TMEM200A: variants seen among roughly 807,000 people sequenced by gnomAD.
TMEM200A encodes the protein transmembrane protein 200A.
In TMEM200A, 12 loss-of-function variants were observed where a neutral mutation model predicts 24.3. The observed-to-expected ratio is 0.49, with a 90% CI of 0.32 to 0.80. The LOEUF (loss-of-function observed/expected upper bound fraction) is 0.80. TMEM200A is among the 30% of genes least tolerant of loss of function. The pLI is 0.04. For synonymous variants in TMEM200A, 224 were observed against 224.4 expected (o/e 1.00, Z 0.02); for missense variants, 545 against 614.4 (o/e 0.89, Z 1.19).
chr6:130,409,228 C>T (rs1779278651), intron 2 of TMEM200A, among the ~76,000 whole-genome samples: 2 of 152,194 alleles, frequency 1.3e-5, no homozygotes. Context: ...ATTCTCTTGA[C>T]ATCTGCTTCC....
At chr6:130,433,541 A>G (rs1319385298) in intron 2 of TMEM200A, among the ~76,000 whole-genome samples, 2 of 152,208 alleles carry the variant, frequency 1.3e-5, no homozygotes, top group Admixed American at 1.3e-4. Context: ...GATATAGATT[A>G]AAAATCCTAT....
At chr6:130,440,339 A>G (rs1275102907) in intron 2 of TMEM200A, 68 bp from the exon 3 acceptor site, 1 of 1,422,148 alleles carries the variant, frequency 7.0e-7, no homozygotes, top group Non-Finnish European at 9.2e-7. Context: ...CAGTTGTTTA[A>G]TTGAACTGAT....
chr6:130,390,554 T>C (rs1778811143), intron 2 of TMEM200A, among the ~76,000 whole-genome samples: 1 of 152,250 alleles, frequency 6.6e-6, no homozygotes, highest in African/African-American at 2.4e-5. Context: ...TGACAAACCT[T>C]AGTATTCTTT....
At chr6:130,368,101 G>C (rs1778227729) in intron 1 of TMEM200A, among the ~76,000 whole-genome samples, 1 of 152,186 alleles carries the variant, frequency 6.6e-6, no homozygotes, top group South Asian at 2.1e-4. Flanking sequence ...GGCTGTACTT[G>C]TTATTTTAAC....
At chr6:130,379,903 A>C (rs1430252565) in intron 1 of TMEM200A, among the ~76,000 whole-genome samples, 1 of 152,190 alleles carries the variant, frequency 6.6e-6, no homozygotes. Context: ...TCTACATTTC[A>C]GGGTGGATAG....
chr6:130,388,337 A>G (rs1400610534), intron 2 of TMEM200A, among the ~76,000 whole-genome samples: 1 of 152,236 alleles, frequency 6.6e-6, no homozygotes, highest in African/African-American at 2.4e-5. Context: ...AAAATAAACT[A>G]CAACATTAGG....
chr6:130,419,712 C>A (rs1779538778), intron 2 of TMEM200A, among the ~76,000 whole-genome samples: 1 of 152,182 alleles, frequency 6.6e-6, no homozygotes, highest in Non-Finnish European at 1.5e-5. Context: ...AATTGAATTT[C>A]CTTTGGCTCC....
chr6:130,441,538 C>T lies in TMEM200A; in HGVS notation c.1116C>T (p.Leu372=). Residue 372 remains leucine, a synonymous_variant, in exon 3 of 3, where the codon CTC becomes CTT. Transcript: ENST00000296978. ...CTCTCGGACCTGGGGCTGGACAGCT[C>T]TTGTCTCCTGGGGCTGCCAGAAGAC... ...SMALGPGAGQ[L]LSPGAARRQF... is the part of the protein sequence containing the mutation. 6.2e-7 allele frequency: 1 copy of T among 1,614,046 alleles called. No individual in the cohort carries two copies. Among genetic ancestry groups the T allele is most frequent in the Non-Finnish European group, 8.5e-7 (1 of 1,179,986 alleles).
chr6:130,411,147 C>T (rs950240035), intron 2 of TMEM200A, among the ~76,000 whole-genome samples: 9 of 149,388 alleles, frequency 6.0e-5, no homozygotes, highest in Non-Finnish European at 1.2e-4. Context: ...CCAGCTTGGG[C>T]GAGGAGTGAA....
intron 2 of TMEM200A, among the ~76,000 whole-genome samples, chr6:130,390,385 C>T (rs1484080748): frequency 6.6e-6 from 1 of 152,216 alleles, no homozygotes; most frequent in African/African-American, 2.4e-5. Context: ...TTTACCATAT[C>T]ATCTGAATGT....
intron 2 of TMEM200A, among the ~76,000 whole-genome samples, chr6:130,412,742 T>C (rs1779361195): frequency 6.6e-6 from 1 of 152,204 alleles, no homozygotes; most frequent in Admixed American, 6.5e-5. Flanking sequence ...GATGAACTGT[T>C]GCTCAATGCT....
rs1233811271 is a variant in TMEM200A at position 130,366,232 on chromosome 6, T to C, written c.-373T>C. 3.7e-5 allele frequency: 36 copies of C among 985,018 alleles called. No individual in the cohort carries two copies. The highest frequency in any genetic ancestry group is 4.3e-5 in the Non-Finnish European group (36 of 829,860). 61.0% of individuals were successfully genotyped at this position (985,018 alleles called of 1,614,324 possible). A position where few individuals can be genotyped will look rare whatever the true frequency, so the allele number is the denominator to read the frequency against. On this transcript the variant is annotated 5_prime_UTR_variant, in exon 1 of 3. Transcript: ENST00000296978. This position sits in a 1 kb window ranked among gnomAD's most constrained non-coding sequence, Gnocchi z 4.4. ...GCGGCGCATCCCCTGCCCCGAGGCC[T>C]CCGGTGCCCCCCCGGCGCGGGCATA...
chr6:130,442,770 A>G lies in TMEM200A; in HGVS notation c.*872A>G, dbSNP rs1487758808. 1 of 167,062 alleles carries G rather than the reference A, an allele frequency of 6.0e-6. No individual in the cohort carries two copies. The highest frequency in any genetic ancestry group is 2.4e-5 in the African/African-American group (1 of 41,462). The allele number at this position is 167,062 out of a possible 1,614,324, so 10.3% of individuals were successfully genotyped here. ...CTAGTCTCAGTACCTGTTTTTAGCC[A>G]TCTGTTACTGTCCAATAGCACCTCA... On this transcript the variant is annotated 3_prime_UTR_variant, in exon 3 of 3. Coordinates refer to ENST00000296978, the MANE Select transcript of TMEM200A (RefSeq NM_001258277.2).
intron 2 of TMEM200A, among the ~76,000 whole-genome samples, chr6:130,422,062 G>A (rs983677355): frequency 3.3e-5 from 5 of 152,056 alleles, no homozygotes; most frequent in African/African-American, 1.2e-4. Context: ...TATTTCTTCG[G>A]ATAAATACAC....
At chr6:130,429,621 A>G (rs866340509) in intron 2 of TMEM200A, among the ~76,000 whole-genome samples, 1 of 152,198 alleles carries the variant, frequency 6.6e-6, no homozygotes, top group African/African-American at 2.4e-5. Context: ...CAGATGCATC[A>G]GAAAATTTGA....
chr6:130,382,585 G>A (rs1312070185), intron 1 of TMEM200A, among the ~76,000 whole-genome samples: 1 of 152,142 alleles, frequency 6.6e-6, no homozygotes, highest in Non-Finnish European at 1.5e-5. Flanking sequence ...TCTATCTTCT[G>A]TCTCTATCCT....
intron 2 of TMEM200A, among the ~76,000 whole-genome samples, chr6:130,395,192 A>G (rs1266771511): frequency 3.3e-5 from 5 of 152,176 alleles, no homozygotes; most frequent in Non-Finnish European, 7.3e-5. Flanking sequence ...CGCACACAGA[A>G]GATTCTGACA....
At position 130,440,694 on chromosome 6, in the gene TMEM200A, T is replaced by C. The variant is rs147473440; in HGVS notation, c.272T>C (p.Ile91Thr). 18 of 1,614,128 alleles carry C rather than the reference T, an allele frequency of 1.1e-5. No individual in the cohort carries two copies. The African/African-American group carries it at 1.9e-4, about 17-fold the overall frequency. ...LGYWPQKEHF[I>T]DAETTLSTNE... ...TATTGGCCCCAAAAAGAACATTTTA[T>C]TGATGCTGAAACAACACTGTCAACA... The change falls in exon 3 of 3, where the codon ATT becomes ACT. Residue 91 changes from isoleucine (I) to threonine (T), a missense_variant. Physicochemically the swap from Ile to Thr is moderately conservative, Grantham distance 89 (BLOSUM62 -1). Transcript: ENST00000296978.
At chr6:130,393,961 A>G (rs1778893628) in intron 2 of TMEM200A, among the ~76,000 whole-genome samples, 1 of 152,126 alleles carries the variant, frequency 6.6e-6, no homozygotes, top group Admixed American at 6.5e-5. Flanking sequence ...GATCCTACAG[A>G]TTGAATATCA....
Sources: allele counts gnomAD v4.1 joint callset (sites outside exome capture counted in the v4.1 genomes callset), GRCh38; gene constraint gnomAD v4.1.1; non-coding constraint Gnocchi (gnomAD v3.1); transcripts MANE v1.5; gene names NCBI Gene and HGNC (gene_info 2026-07-23, HGNC 2026-07-21).